The following NOP14 variants were observed in gnomAD, a reference collection of about 807,000 sequenced individuals.
NOP14 encodes nucleolar protein 14.
NOP14 carries 57 observed loss-of-function variants against 101.6 expected under a neutral mutation model. The ratio of observed to expected loss-of-function variants is 0.56; its 90% CI spans 0.45 to 0.70. NOP14 has a LOEUF of 0.70. Ranked by LOEUF, NOP14 falls within the 30% of genes least tolerant of loss-of-function variation. The probability of loss-of-function intolerance (pLI) is 0.00; values close to 1 mark genes in which losing one functional copy is unlikely to be tolerated. For missense variants in NOP14, 1,134 were observed against 1,075.5 expected (o/e 1.05, Z -0.76); for synonymous variants, 428 against 424.0 (o/e 1.01, Z -0.12).
At position 2,960,818 on chromosome 4, in the gene NOP14, C is replaced by A. The variant is rs1164339399; in HGVS notation, c.195+2307G>T. Among the ~76,000 whole-genome samples, 6 of 91,500 alleles carry A rather than the reference C, an allele frequency of 6.6e-5. No homozygotes were observed. In the South Asian group the frequency reaches 1.3e-3, roughly 21 times the overall value. The allele number at this position is 91,500 out of a possible 152,430, so 60.0% of individuals were successfully genotyped here. ...AATATTAATATATTAATATTATAAT[C>A]ACATTATCAATATATTAATATTATA... On this transcript the variant is annotated intron_variant, in intron 1 of 17. Transcript: ENST00000416614.
At chr4:2,950,407 G>A (rs1358465646) in intron 7 of NOP14, 194 bp from the exon 8 acceptor site, 3 of 619,794 alleles carry the variant, frequency 4.8e-6, no homozygotes, top group South Asian at 2.0e-5. Flanking sequence ...TCGAGCCGCA[G>A]GAGCTACAGG....
Position 2,947,521 on chromosome 4 carries a change from C to T in NOP14, c.1499+5G>A. On this transcript the variant is annotated splice_donor_5th_base_variant and intron_variant, in intron 10 of 17. Coordinates refer to ENST00000416614, the MANE Select transcript of NOP14 (RefSeq NM_001291978.2). ...CATCCCAGATGACACACCATTTTTA[C>T]TTACACAACCAACTTATCAATGACT... 3 of 1,607,206 alleles carry T rather than the reference C, an allele frequency of 1.9e-6. No homozygotes were observed. The highest frequency in any genetic ancestry group is 4.5e-5 in the East Asian group (2 of 44,864).
In NOP14 at chr4:2,941,564, G is replaced by A. The variant is rs1421365046; in HGVS notation, c.2199+18C>T. On this transcript the variant is annotated intron_variant, in intron 15 of 17. Coordinates refer to ENST00000416614, the MANE Select transcript of NOP14 (RefSeq NM_001291978.2). ...GTCTGAGCCCAGGCAGAGCACCCTAGTGGCCGGGAAGCCTCACCTGGAGCT... is the reference window on the plus strand; with the variant it reads ...GTCTGAGCCCAGGCAGAGCACCCTAATGGCCGGGAAGCCTCACCTGGAGCT... The A allele has an allele frequency of 2.5e-6, 4 of 1,609,222 alleles. No individual in the cohort carries two copies. The highest frequency in any genetic ancestry group is 1.3e-5 in the African/African-American group (1 of 74,844).
At chr4:2,940,449 C>G (rs1329014672) in intron 15 of NOP14, 1 of 152,286 alleles carries the variant, frequency 6.6e-6, no homozygotes, top group South Asian at 2.1e-4. Context: ...ATGAGACCTG[C>G]TGTGCCCCTC....
rs1279470828 is a variant in NOP14, at chr4:2,956,751, C to G, written c.391G>C (p.Gly131Arg). 1 of 1,613,232 alleles carries G rather than the reference C, an allele frequency of 6.2e-7. No individual in the cohort carries two copies. The highest frequency in any genetic ancestry group is 1.7e-5 in the Admixed American group (1 of 59,906). The part of the protein sequence containing the change: ...LNEDEELTHY[G>R]QSLADIEKHN... ...TTCTCGATGTCTGCCAAAGACTGGC[C>G]ATAATGAGTCAATTCTTCATCTTCA... is the stretch of plus-strand genomic sequence containing the variant. The change falls in exon 3 of 18, where the codon GGC becomes CGC. Residue 131 changes from glycine (G) to arginine (R), a missense_variant. Physicochemically the swap from Gly to Arg is moderately radical, Grantham distance 125 (BLOSUM62 -2). Coordinates refer to ENST00000416614, the MANE Select transcript of NOP14 (RefSeq NM_001291978.2).
intron 15 of NOP14, 88 bp from the exon 16 acceptor site, chr4:2,939,733 C>T (rs554680198): frequency 1.9e-5 from 19 of 1,014,188 alleles, no homozygotes; most frequent in Middle Eastern, 2.1e-4. Flanking sequence ...GTCAAGGCAG[C>T]GTGAGGACAG....
chr4:2,938,079 C>T lies in NOP14; in HGVS notation c.*752G>A, dbSNP rs1713791434. On this transcript the variant is annotated 3_prime_UTR_variant, in exon 18 of 18. Transcript: ENST00000416614. Reference sequence around the variant, plus strand: ...TCCAGACGCAGTGAACCAGTCGCAGCTGATAACACACAGACCATTCCCGAT... The same window carrying T: ...TCCAGACGCAGTGAACCAGTCGCAGTTGATAACACACAGACCATTCCCGAT... 3 of 692,808 alleles carry T rather than the reference C, an allele frequency of 4.3e-6. No individual in the cohort carries two copies. Among genetic ancestry groups the T allele is most frequent in the Admixed American group, 6.6e-5 (2 of 30,210 alleles). The allele number at this position is 692,808 out of a possible 1,614,324, so 42.9% of individuals were successfully genotyped here.
At chr4:2,962,918 T>A (rs894884292) in intron 1 of NOP14, among the ~76,000 whole-genome samples, 2 of 151,704 alleles carry the variant, frequency 1.3e-5, no homozygotes, top group African/African-American at 2.4e-5. Flanking sequence ...ATAACACGAG[T>A]GCAGGGTCTC....
At chr4:2,961,771 A>G (rs1004231218) in intron 1 of NOP14, 13 of 152,188 alleles carry the variant, frequency 8.5e-5, no homozygotes, top group African/African-American at 3.1e-4. Context: ...CCTGACCGGG[A>G]TCTCCTAAGG....
chr4:2,938,544 T>A lies in NOP14; in HGVS notation c.*287A>T. The A allele has an allele frequency of 2.2e-6, 1 of 448,018 alleles. No homozygotes were observed. Among genetic ancestry groups the A allele is most frequent in the Non-Finnish European group, 4.1e-6 (1 of 246,764 alleles). The allele number at this position is 448,018 out of a possible 1,614,324, so 27.8% of individuals were successfully genotyped here. A position where few individuals can be genotyped will look rare whatever the true frequency, so the allele number is the denominator to read the frequency against. On this transcript the variant is annotated 3_prime_UTR_variant, in exon 18 of 18. Coordinates refer to ENST00000416614, the MANE Select transcript of NOP14 (RefSeq NM_001291978.2). The stretch of plus-strand genomic sequence containing the variant: ...TTTTTTAAGCGACACAGTCTTGCAC[T>A]GTGGCCGAGGCTGGAGTGCAGTGGC...
In NOP14 at chr4:2,952,265, G is replaced by A; in HGVS notation, c.870+10C>T. The A allele has an allele frequency of 6.2e-7, 1 of 1,612,610 alleles. No individual in the cohort carries two copies. Among genetic ancestry groups the A allele is most frequent in the Non-Finnish European group, 8.5e-7 (1 of 1,179,652 alleles). On this transcript the variant is annotated intron_variant, in intron 6 of 17. Coordinates refer to ENST00000416614, the MANE Select transcript of NOP14 (RefSeq NM_001291978.2). ...AGCACAGCCCTGCTCCTGAGGTGCT[G>A]CCACCCTACCTCCAGCTTCCTGAGG...
chr4:2,962,499 G>A (rs147832683), intron 1 of NOP14, among the ~76,000 whole-genome samples: 1 of 152,244 alleles, frequency 6.6e-6, no homozygotes, highest in African/African-American at 2.4e-5. Context: ...CTAGAAGCGA[G>A]GTCAAACAGA....
Position 2,941,641 on chromosome 4 carries a change from GCC to G in NOP14, c.2138_2139del (p.Gly713AlafsTer43). 1.2e-6 allele frequency: 2 copies of G among 1,613,442 alleles called. No individual in the cohort carries two copies. Among genetic ancestry groups the G allele is most frequent in the Non-Finnish European group, 1.7e-6 (2 of 1,179,914 alleles). On this transcript the variant is annotated frameshift_variant, in exon 15 of 18. Transcript: ENST00000416614. LOFTEE classifies it high-confidence loss of function. Reference sequence around the variant, plus strand: ...TGATCCGTGAGGAGGGCTTGGAGAGGCCCCATGATGGCGTGGAAGGATGGCAG... The same window carrying G: ...TGATCCGTGAGGAGGGCTTGGAGAGGCCATGATGGCGTGGAAGGATGGCAG... ...GSLPSFHAIM[G>X]PLQALLTDHL... is the part of the protein sequence containing the mutation.
chr4:2,957,693 A>G lies in NOP14; in HGVS notation c.243T>C (p.Asn81=), dbSNP rs779138876. The change falls in exon 2 of 18, where the codon AAT becomes AAC. Residue 81 remains asparagine, a synonymous_variant. Coordinates refer to ENST00000416614, the MANE Select transcript of NOP14 (RefSeq NM_001291978.2). ...LKEYKERDKS[N]VFRDKRFGEY... ...CTCCGAAGCGTTTATCTCTGAATAC[A>G]TTGGATTTATCCCTTTCTTTGTACT... The G allele has an allele frequency of 3.1e-6, 5 of 1,614,064 alleles. No individual in the cohort carries two copies. Among genetic ancestry groups the G allele is most frequent in the Admixed American group, 1.7e-5 (1 of 60,002 alleles).
In NOP14 at chr4:2,961,266, G is replaced by C. The variant is rs1577858604; in HGVS notation, c.195+1859C>G. On this transcript the variant is annotated intron_variant, in intron 1 of 17. Transcript: ENST00000416614. ...ATATAGTAACTATATTAATAATATAGTTAGTATATTAATATATAGTAACTA... is the reference window on the plus strand; with the variant it reads ...ATATAGTAACTATATTAATAATATACTTAGTATATTAATATATAGTAACTA... The C allele has an allele frequency of 3.5e-5, 3 of 85,960 alleles. No individual in the cohort carries two copies. In the East Asian group the frequency reaches 6.8e-4, roughly 19 times the overall value. The allele number at this position is 85,960 out of a possible 1,614,324, so 5.3% of individuals were successfully genotyped here.
Position 2,939,304 on chromosome 4 carries a change from T to C in NOP14, c.2358A>G (p.Glu786=), listed in dbSNP as rs768277784. 10 of 1,614,054 alleles carry C rather than the reference T, an allele frequency of 6.2e-6. No individual in the cohort carries two copies. Among genetic ancestry groups the C allele is most frequent in the Non-Finnish European group, 8.5e-6 (10 of 1,180,034 alleles). The change falls in exon 17 of 18, where the codon GAA becomes GAG. Residue 786 remains glutamate (E), a synonymous_variant. Coordinates refer to ENST00000416614, the MANE Select transcript of NOP14 (RefSeq NM_001291978.2). ...FGRKQGSSKE[E]QERKRLIHKH... is the part of the protein sequence containing the mutation. ...TGTGGATCAGCCTCTTCCTTTCCTG[T>C]TCCTCCTTACTACTGCCTTGTTTTC...
At chr4:2,939,732 G>T in intron 15 of NOP14, 87 bp from the exon 16 acceptor site, 1 of 1,021,556 alleles carries the variant, frequency 9.8e-7, no homozygotes, top group Non-Finnish European at 1.5e-6. Flanking sequence ...TGTCAAGGCA[G>T]CGTGAGGACA....
intron 4 of NOP14, among the ~76,000 whole-genome samples, chr4:2,954,014 G>A (rs1715185611): frequency 6.6e-6 from 1 of 152,152 alleles, no homozygotes; most frequent in Non-Finnish European, 1.5e-5. Context: ...AACTGCTTGA[G>A]CCTGGTCGAC....
At chr4:2,955,849 G>A (rs1715315562) in intron 3 of NOP14, among the ~76,000 whole-genome samples, 1 of 152,236 alleles carries the variant, frequency 6.6e-6, no homozygotes, top group African/African-American at 2.4e-5. Context: ...TGCACCACAT[G>A]CTTGCTGCCC....
Sources: gnomAD v4.1 joint callset for allele counts (sites outside exome capture counted in the v4.1 genomes callset) on GRCh38, gnomAD v4.1.1 for gene constraint, MANE v1.5 for transcripts, NCBI Gene and HGNC (gene_info 2026-07-23, HGNC 2026-07-21) for gene names.